GPC5: variants seen among roughly 807,000 people sequenced by gnomAD.
GPC5 encodes glypican-5.
In GPC5, 47 loss-of-function variants were observed where a neutral mutation model predicts 53.9. The ratio of observed to expected loss-of-function variants is 0.87; its 90% CI spans 0.69 to 1.11. The LOEUF (loss-of-function observed/expected upper bound fraction) is 1.11, where lower values mean the gene tolerates loss of function less well. Ranked by LOEUF, GPC5 falls within the 50% of genes most tolerant of loss-of-function variation. The probability of loss-of-function intolerance (pLI) is 0.00; values close to 1 mark genes in which losing one functional copy is unlikely to be tolerated. For synonymous variants in GPC5, 286 were observed against 263.3 expected (o/e 1.09, Z -0.84); for missense variants, 748 against 713.1 (o/e 1.05, Z -0.56).
At chr13:91,944,272 A>AT (rs1196386135) in intron 6 of GPC5, among the ~76,000 whole-genome samples, 1 of 151,570 alleles carries the variant, frequency 6.6e-6, no homozygotes, top group African/African-American at 2.4e-5. Context: ...ATTTTTTTGT[A>AT]TTTTTAGTAG....
rs533570334 is a variant in GPC5 at position 91,956,539 on chromosome 13, C to T, written c.1401+48482C>T. Among the ~76,000 whole-genome samples, 4 of 152,276 alleles carry T rather than the reference C, an allele frequency of 2.6e-5. No individual in the cohort carries two copies. In the South Asian group the frequency reaches 6.2e-4, roughly 24 times the overall value. On this transcript the variant is annotated intron_variant, in intron 6 of 7. Transcript: ENST00000377067. ...GCCAGAAATGGCCTGCCTGTGCCCA[C>T]TAAAACTGTATACACCATCCTGGAT...
intron 7 of GPC5, among the ~76,000 whole-genome samples, chr13:92,199,287 C>T (rs2042278210): frequency 6.6e-6 from 1 of 152,190 alleles, no homozygotes. Flanking sequence ...CAATCAGCAA[C>T]TTCTAGCCTG....
chr13:92,842,235 G>C (rs914713828), intron 7 of GPC5, among the ~76,000 whole-genome samples: 7 of 152,046 alleles, frequency 4.6e-5, no homozygotes, highest in Admixed American at 2.6e-4. Context: ...TTATTACTGA[G>C]GGATGTTGGC....
At chr13:92,811,985 T>G (rs952189887) in intron 7 of GPC5, among the ~76,000 whole-genome samples, 9 of 151,954 alleles carry the variant, frequency 5.9e-5, no homozygotes, top group Non-Finnish European at 1.2e-4. Flanking sequence ...CACACTGTTT[T>G]GATTATTTTA....
intron 7 of GPC5, among the ~76,000 whole-genome samples, chr13:92,543,555 T>C (rs1178355469): frequency 6.6e-6 from 1 of 152,150 alleles, no homozygotes; most frequent in Admixed American, 6.6e-5. Context: ...TCAGTGACAA[T>C]GGCACCATTT....
intron 6 of GPC5, among the ~76,000 whole-genome samples, chr13:91,980,833 T>G (rs1057126585): frequency 6.6e-6 from 1 of 152,210 alleles, no homozygotes; most frequent in Non-Finnish European, 1.5e-5. Flanking sequence ...CACCTTTATG[T>G]AAGTGGGAAC....
intron 7 of GPC5, among the ~76,000 whole-genome samples, chr13:92,298,929 CT>C (rs1285995248): frequency 6.6e-6 from 1 of 152,112 alleles, no homozygotes; most frequent in African/African-American, 2.4e-5. Flanking sequence ...TGAAACAATC[CT>C]TTTACTTTGG....
intron 6 of GPC5, among the ~76,000 whole-genome samples, chr13:91,925,155 T>C (rs1239427040): frequency 6.6e-6 from 1 of 152,140 alleles, no homozygotes; most frequent in African/African-American, 2.4e-5. Flanking sequence ...AATTTCAAGA[T>C]ATTGTAAATT....
At chr13:91,913,817 C>T (rs2039633567) in intron 6 of GPC5, among the ~76,000 whole-genome samples, 1 of 152,166 alleles carries the variant, frequency 6.6e-6, no homozygotes. Context: ...AATATTTGTC[C>T]TTTTGAAAAT....
intron 7 of GPC5, among the ~76,000 whole-genome samples, chr13:92,794,729 A>G (rs1221386650): frequency 6.6e-6 from 1 of 152,140 alleles, no homozygotes; most frequent in Non-Finnish European, 1.5e-5. Flanking sequence ...AAGCATTCCT[A>G]TACACCAAAA....
intron 7 of GPC5, among the ~76,000 whole-genome samples, chr13:92,397,539 A>G (rs1274810796): frequency 2.0e-5 from 3 of 152,208 alleles, no homozygotes; most frequent in Non-Finnish European, 2.9e-5. Flanking sequence ...GTATGTTTCT[A>G]TCTTTGTATG....
At chr13:91,852,560 A>G (rs1292701488) in intron 5 of GPC5, among the ~76,000 whole-genome samples, 2 of 151,936 alleles carry the variant, frequency 1.3e-5, no homozygotes, top group Admixed American at 6.6e-5. Context: ...ATTAAGGAAA[A>G]TCTTTTGGTG....
chr13:92,685,038 C>T (rs1344116668), intron 7 of GPC5, among the ~76,000 whole-genome samples: 2 of 152,016 alleles, frequency 1.3e-5, no homozygotes, highest in African/African-American at 4.8e-5. Flanking sequence ...AGTATGCTGC[C>T]ATCAGTAATT....
At chr13:91,924,270 G>T (rs767638535) in intron 6 of GPC5, among the ~76,000 whole-genome samples, 3 of 152,094 alleles carry the variant, frequency 2.0e-5, no homozygotes, top group Non-Finnish European at 4.4e-5. Flanking sequence ...TTATTAATGA[G>T]AATTGAGTAG....
At chr13:92,138,484 C>T (rs557689721) in intron 6 of GPC5, among the ~76,000 whole-genome samples, 28 of 151,132 alleles carry the variant, frequency 1.9e-4, no homozygotes, top group African/African-American at 6.1e-4. Flanking sequence ...CACACCGCTG[C>T]GCTCCAGGCT....
intron 6 of GPC5, among the ~76,000 whole-genome samples, chr13:91,976,272 A>G (rs542556962): frequency 1.3e-5 from 2 of 152,352 alleles, no homozygotes; most frequent in South Asian, 4.1e-4. Flanking sequence ...AAAGTGTAAT[A>G]ATAATAAAAG....
chr13:92,842,515 G>A (rs1263760173), intron 7 of GPC5, among the ~76,000 whole-genome samples: 1 of 151,904 alleles, frequency 6.6e-6, no homozygotes, highest in African/African-American at 2.4e-5. Flanking sequence ...CAGGTTACTA[G>A]GCATACAAAT....
At chr13:91,508,663 G>A (rs367983586) in intron 2 of GPC5, among the ~76,000 whole-genome samples, 13 of 152,122 alleles carry the variant, frequency 8.5e-5, no homozygotes, top group Admixed American at 3.3e-4. Context: ...AAATAAATTT[G>A]CAAAAAGATG....
intron 7 of GPC5, among the ~76,000 whole-genome samples, chr13:92,765,248 C>T (rs1190687558): frequency 6.6e-6 from 1 of 152,128 alleles, no homozygotes; most frequent in Non-Finnish European, 1.5e-5. Context: ...ATGTTGCATA[C>T]AGCCTGATGA....
Sources: gnomAD v4.1 joint callset for allele counts (sites outside exome capture counted in the v4.1 genomes callset) on GRCh38, gnomAD v4.1.1 for gene constraint, MANE v1.5 for transcripts, NCBI Gene and HGNC (gene_info 2026-07-23, HGNC 2026-07-21) for gene names.